MORC1: variants seen among roughly 807,000 people sequenced by gnomAD.
The protein encoded by MORC1 is MORC family CW-type zinc finger 1, also known as MORC family CW-type zinc finger protein 1.
A neutral mutation model predicts 134.9 loss-of-function variants in MORC1; 59 were observed. That is an observed-to-expected ratio of 0.44 (90% CI 0.35 to 0.54). The LOEUF (loss-of-function observed/expected upper bound fraction) is 0.54. MORC1 is among the 20% of genes least tolerant of loss of function. The pLI, the probability that MORC1 is intolerant of heterozygous loss-of-function variation, is 0.00. For synonymous variants in MORC1, 395 were observed against 391.7 expected, an observed-to-expected ratio of 1.01 and a Z score of -0.10; for missense variants, 947 against 1,134.5, an observed-to-expected ratio of 0.83 and a Z score of 2.37.
At chr3:109,057,153 T>C (rs1047241129) in intron 13 of MORC1, among the ~76,000 whole-genome samples, 190 bp downstream of exon 13, 2 of 152,170 alleles carry the variant, frequency 1.3e-5, no homozygotes, top group Non-Finnish European at 2.9e-5. Flanking sequence ...GCTTTTTCCT[T>C]AGAGCATGCA....
chr3:108,998,134 C>G (rs1948289302), intron 21 of MORC1, among the ~76,000 whole-genome samples: 1 of 152,158 alleles, frequency 6.6e-6, no homozygotes, highest in Admixed American at 6.5e-5. Context: ...TATTCAGGCA[C>G]CTAGCTCACC....
intron 14 of MORC1, among the ~76,000 whole-genome samples, chr3:109,040,209 T>C (rs978023360): frequency 6.6e-6 from 1 of 150,794 alleles, no homozygotes; most frequent in Non-Finnish European, 1.5e-5. Flanking sequence ...AAAAAAGAAA[T>C]CACAAGTCAT....
intron 27 of MORC1, among the ~76,000 whole-genome samples, chr3:108,962,953 C>T (rs1947120855): frequency 6.6e-6 from 1 of 151,928 alleles, no homozygotes; most frequent in Non-Finnish European, 1.5e-5. Flanking sequence ...TCTGAAAAAA[C>T]TGAAAAAATT....
rs147761736 is a variant in MORC1 at position 108,966,828 on chromosome 3, A to G, written c.2604+2841T>C. 5.2e-3 allele frequency among the ~76,000 whole-genome samples: 794 copies of G among 152,244 alleles called. 19 individuals are homozygous for G. The highest frequency in any genetic ancestry group is 0.018 in the African/African-American group (765 of 41,548). ...GGCTCAGAGGTAGACCAGTGTAAGTAAGTTGGAATAACTCTGGGGCACTCA... is the reference window on the plus strand; with the variant it reads ...GGCTCAGAGGTAGACCAGTGTAAGTGAGTTGGAATAACTCTGGGGCACTCA... On this transcript the variant is annotated intron_variant, in intron 26 of 27. Coordinates refer to ENST00000232603, the MANE Select transcript of MORC1 (RefSeq NM_014429.4).
chr3:108,965,963 C>A (rs937999565), intron 26 of MORC1, among the ~76,000 whole-genome samples: 4 of 152,124 alleles, frequency 2.6e-5, no homozygotes, highest in African/African-American at 9.7e-5. Context: ...TACAGGCCAG[C>A]CTTTTGGTTT....
chr3:109,052,063 T>C (rs1422611067), intron 14 of MORC1, among the ~76,000 whole-genome samples: 2 of 152,200 alleles, frequency 1.3e-5, no homozygotes, highest in Non-Finnish European at 2.9e-5. Context: ...AAGAGGAGTA[T>C]GGGGAGGTTC....
At chr3:109,064,085 A>G (rs1281870216) in intron 9 of MORC1, among the ~76,000 whole-genome samples, 2 of 152,176 alleles carry the variant, frequency 1.3e-5, no homozygotes, top group African/African-American at 2.4e-5. Context: ...TTTAACTGTA[A>G]GAGAAAATAA....
chr3:108,965,668 T>C (rs1947200240), intron 26 of MORC1, among the ~76,000 whole-genome samples: 1 of 152,172 alleles, frequency 6.6e-6, no homozygotes, highest in African/African-American at 2.4e-5. Flanking sequence ...ACACACACAT[T>C]TTACCAAATT....
chr3:108,963,461 T>C lies in MORC1; in HGVS notation c.2752A>G (p.Lys918Glu). The C allele has an allele frequency of 1.9e-6, 3 of 1,611,446 alleles. No individual in the cohort carries two copies. The highest frequency in any genetic ancestry group is 2.5e-6 in the Non-Finnish European group (3 of 1,179,492). ...AGTGCCAGTTTTATACGAAGATTCT[T>C]CAGCTTATCCTCAGAGATTTTTCTT... ...NKRKISEDKL[K>E]NLRIKLALLL... is the part of the protein sequence containing the mutation. Residue 918 changes from lysine to glutamate, a missense_variant, in exon 27 of 28, where the codon AAG (lysine) becomes GAG (glutamate). Physicochemically the swap from Lys to Glu is moderately conservative, Grantham distance 56 (BLOSUM62 1). Transcript: ENST00000232603.
Position 108,986,864 on chromosome 3 carries a change from G to T in MORC1, c.2257+16C>A. The T allele has an allele frequency of 7.1e-7, 1 of 1,417,780 alleles. No homozygotes were observed. Among genetic ancestry groups the T allele is most frequent in the Non-Finnish European group, 9.4e-7 (1 of 1,061,044 alleles). The allele number at this position is 1,417,780 out of a possible 1,614,324, so 87.8% of individuals were successfully genotyped here. On this transcript the variant is annotated intron_variant, in intron 22 of 27. Coordinates refer to ENST00000232603, the MANE Select transcript of MORC1 (RefSeq NM_014429.4). ...ATAGCTAATATATATATATACATGA[G>T]CTGATTTTTTTTTACCTTGGTTTAA...
chr3:108,996,286 G>GCGCACA, intron 21 of MORC1, among the ~76,000 whole-genome samples: 1 of 146,382 alleles, frequency 6.8e-6, no homozygotes, highest in African/African-American at 2.6e-5. Flanking sequence ...GCGCGCGCGC[G>GCGCACA]CACACACACA....
chr3:109,025,379 C>CTTTT (rs63701060), intron 17 of MORC1, among the ~76,000 whole-genome samples: 11 of 105,100 alleles, frequency 1.0e-4, no homozygotes, highest in South Asian at 3.1e-4. Flanking sequence ...TTTCTTTTTT[C>CTTTT]TTTTTTTTTT....
At position 108,979,530 on chromosome 3, in the gene MORC1, A is replaced by C. The variant is rs767384886; in HGVS notation, c.2462T>G (p.Leu821Arg). The C allele has an allele frequency of 1.9e-6, 3 of 1,613,768 alleles. No homozygotes were observed. Among genetic ancestry groups the C allele is most frequent in the East Asian group, 4.5e-5 (2 of 44,882 alleles). ...ATATCTTTACCTTAACTTAGACTTC[A>C]GTTTTCTCACTGTTTCCTTGACAGG... is the stretch of plus-strand genomic sequence containing the variant. The part of the protein sequence containing the change: ...STPVKETVRK[L>R]KSKLREILLY... Residue 821 changes from leucine (L) to arginine (R), a missense_variant, in exon 24 of 28, where the codon CTG becomes CGG. Leu to Arg is a moderately radical substitution (Grantham distance 102). Around this residue, in one of 3 missense-constraint regions of MORC1, gnomAD observed 722 missense variants for 817.0 expected, o/e 0.88. Coordinates refer to ENST00000232603, the MANE Select transcript of MORC1 (RefSeq NM_014429.4).
chr3:108,959,217 G>T, intron 27 of MORC1, 97 bp from the exon 28 acceptor site: 2 of 1,058,550 alleles, frequency 1.9e-6, no homozygotes, highest in Non-Finnish European at 1.3e-6. Flanking sequence ...TATGACTCAT[G>T]CTGCAACAAA....
chr3:109,061,858 T>A, intron 11 of MORC1, 130 bp downstream of exon 11: 1 of 851,696 alleles, frequency 1.2e-6, no homozygotes, highest in Admixed American at 2.1e-5. Flanking sequence ...TGAGTTAAAA[T>A]CAACTTAATC....
intron 8 of MORC1, among the ~76,000 whole-genome samples, chr3:109,086,101 G>A (rs1950611561): frequency 6.6e-6 from 1 of 151,994 alleles, no homozygotes; most frequent in Admixed American, 6.6e-5. Context: ...ATAGGATGGG[G>A]ATGAAGAAAG....
intron 6 of MORC1, among the ~76,000 whole-genome samples, chr3:109,096,378 G>C (rs748955383): frequency 2.6e-5 from 4 of 152,134 alleles, no homozygotes; most frequent in Non-Finnish European, 5.9e-5. Flanking sequence ...TGCTGACCCA[G>C]CTTCACTAAG....
chr3:109,105,701 T>C (rs1039125165), intron 3 of MORC1, among the ~76,000 whole-genome samples: 5 of 150,696 alleles, frequency 3.3e-5, no homozygotes, highest in South Asian at 2.1e-4. Flanking sequence ...AAAAGTCACC[T>C]AGAATTAATA....
intron 15 of MORC1, among the ~76,000 whole-genome samples, chr3:109,034,989 T>C (rs1023190059): frequency 1.3e-5 from 2 of 152,062 alleles, no homozygotes. Flanking sequence ...GCTCAAGCAA[T>C]CTACCCACCT....
Sources: gnomAD v4.1 joint callset for allele counts (sites outside exome capture counted in the v4.1 genomes callset) on GRCh38, gnomAD v4.1.1 for gene constraint, gnomAD v4.1.1 regional missense constraint, MANE v1.5 for transcripts, NCBI Gene and HGNC (gene_info 2026-07-23, HGNC 2026-07-21) for gene names.